ARHGAP42: variants seen among roughly 807,000 people sequenced by gnomAD.
ARHGAP42 encodes the protein rho GTPase-activating protein 42.
ARHGAP42 carries 63 observed loss-of-function variants against 125.0 expected under a neutral mutation model. The observed-to-expected ratio is 0.50, with a 90% CI of 0.41 to 0.62. The LOEUF (loss-of-function observed/expected upper bound fraction) is 0.62. Ranked by LOEUF, ARHGAP42 falls within the 20% of genes least tolerant of loss-of-function variation. The pLI is 0.00. For synonymous variants in ARHGAP42, 339 were observed against 351.0 expected, an observed-to-expected ratio of 0.97 and a Z score of 0.38; for missense variants, 766 against 1,024.2, an observed-to-expected ratio of 0.75 and a Z score of 3.44.
At chr11:100,977,076 T>C in intron 21 of ARHGAP42, 105 bp downstream of exon 21, 2 of 1,314,880 alleles carry the variant, frequency 1.5e-6, no homozygotes, top group Non-Finnish European at 2.1e-6. Flanking sequence ...ACATTGGGAA[T>C]ACTTTATCTG....
At chr11:100,690,932 A>T (rs541407699) in intron 1 of ARHGAP42, among the ~76,000 whole-genome samples, 1 of 152,250 alleles carries the variant, frequency 6.6e-6, no homozygotes, top group African/African-American at 2.4e-5. Flanking sequence ...ATTCATGTCC[A>T]CTTGGAGAAA....
intron 3 of ARHGAP42, among the ~76,000 whole-genome samples, chr11:100,822,582 G>A (rs542687394): frequency 6.6e-6 from 1 of 152,158 alleles, no homozygotes; most frequent in Non-Finnish European, 1.5e-5. Context: ...TGGTGGGGAT[G>A]ATTGAATTAT....
intron 3 of ARHGAP42, among the ~76,000 whole-genome samples, chr11:100,813,175 A>G (rs1864187463): frequency 6.6e-6 from 1 of 151,970 alleles, no homozygotes; most frequent in African/African-American, 2.4e-5. Context: ...GGATTTCTCC[A>G]CCTCAGCACT....
chr11:100,990,392 C>T lies in ARHGAP42; in HGVS notation c.*1591C>T, dbSNP rs1168346190. On this transcript the variant is annotated 3_prime_UTR_variant, in exon 24 of 24. Coordinates refer to ENST00000298815, the MANE Select transcript of ARHGAP42 (RefSeq NM_152432.4). ...AATAGGTTAAATACACATACACACA[C>T]ACAACTATGCCTCAGAAAAGTTAGG... 1 of 152,058 alleles carries T rather than the reference C, an allele frequency of 6.6e-6. No individual in the cohort carries two copies. Among genetic ancestry groups the T allele is most frequent in the Non-Finnish European group, 1.5e-5 (1 of 68,010 alleles). The allele number at this position is 152,058 out of a possible 1,614,324, so 9.4% of individuals were successfully genotyped here. A position where few individuals can be genotyped will look rare whatever the true frequency, so the allele number is the denominator to read the frequency against.
At chr11:100,691,359 A>G (rs886867815) in intron 1 of ARHGAP42, among the ~76,000 whole-genome samples, 7 of 152,184 alleles carry the variant, frequency 4.6e-5, no homozygotes, top group Non-Finnish European at 7.3e-5. Context: ...GATTTTTTAT[A>G]TAATTTGCCT....
intron 3 of ARHGAP42, among the ~76,000 whole-genome samples, chr11:100,810,995 AC>A (rs1308353940): frequency 1.3e-5 from 2 of 152,066 alleles, no homozygotes; most frequent in Non-Finnish European, 2.9e-5. Flanking sequence ...TCACTGTGTT[AC>A]CCCGGCTGGA....
At chr11:100,922,886 G>A (rs1429189618) in intron 6 of ARHGAP42, among the ~76,000 whole-genome samples, 1 of 152,182 alleles carries the variant, frequency 6.6e-6, no homozygotes, top group Admixed American at 6.5e-5. Flanking sequence ...CAGCTAGAAA[G>A]ATTAAGGAAC....
intron 4 of ARHGAP42, among the ~76,000 whole-genome samples, chr11:100,877,394 A>G (rs772833957): frequency 2.0e-5 from 3 of 152,206 alleles, no homozygotes; most frequent in Non-Finnish European, 2.9e-5. Flanking sequence ...TTATGTGGCC[A>G]TGTGTGCTTT....
intron 6 of ARHGAP42, among the ~76,000 whole-genome samples, chr11:100,924,322 G>T (rs1043073100): frequency 6.6e-6 from 1 of 151,998 alleles, no homozygotes; most frequent in Admixed American, 6.6e-5. Flanking sequence ...TCAATATCAA[G>T]ATCTTACTGC....
chr11:100,853,475 A>T (rs1182615081), intron 3 of ARHGAP42, among the ~76,000 whole-genome samples: 1 of 152,198 alleles, frequency 6.6e-6, no homozygotes, highest in Non-Finnish European at 1.5e-5. Flanking sequence ...ATAAAACAAA[A>T]GTAGTTTCAG....
At chr11:100,836,933 G>A (rs1051455824) in intron 3 of ARHGAP42, among the ~76,000 whole-genome samples, 1 of 151,484 alleles carries the variant, frequency 6.6e-6, no homozygotes, top group Non-Finnish European at 1.5e-5. Context: ...TAACTGACTA[G>A]TTCCAGCAAA....
chr11:100,899,946 A>G (rs993485849), intron 4 of ARHGAP42, among the ~76,000 whole-genome samples: 3 of 152,002 alleles, frequency 2.0e-5, no homozygotes, highest in African/African-American at 7.2e-5. Context: ...TGATCCTGTC[A>G]TTATGATGTT....
At chr11:100,816,561 T>G (rs1864272003) in intron 3 of ARHGAP42, among the ~76,000 whole-genome samples, 1 of 152,244 alleles carries the variant, frequency 6.6e-6, no homozygotes, top group South Asian at 2.1e-4. Context: ...CTGTGCATTT[T>G]AAGATGCTAA....
At chr11:100,840,410 CT>C (rs1281690339) in intron 3 of ARHGAP42, 1 of 152,132 alleles carries the variant, frequency 6.6e-6, no homozygotes, top group African/African-American at 2.4e-5. Context: ...AGATCTATCA[CT>C]TTTGAGTGTT....
intron 1 of ARHGAP42, among the ~76,000 whole-genome samples, chr11:100,751,256 T>TG (rs59806552): frequency 1 from 145,696 of 145,708 alleles, 72,842 homozygotes; most frequent in Middle Eastern, 1. Flanking sequence ...TGTATGTGTG[T>TG]TATATATATA....
intron 2 of ARHGAP42, among the ~76,000 whole-genome samples, 156 bp downstream of exon 2, chr11:100,770,594 T>C (rs1276982245): frequency 6.6e-6 from 1 of 152,214 alleles, no homozygotes; most frequent in Admixed American, 6.5e-5. Flanking sequence ...TTTTTCTTTT[T>C]GGAGACAGAG....
chr11:100,691,519 G>T (rs527476412), intron 1 of ARHGAP42, among the ~76,000 whole-genome samples: 2 of 151,986 alleles, frequency 1.3e-5, no homozygotes, highest in African/African-American at 4.8e-5. Flanking sequence ...TAAGCAAGGA[G>T]ATTTTTATTT....
intron 3 of ARHGAP42, among the ~76,000 whole-genome samples, chr11:100,822,759 G>A (rs932634423): frequency 2.6e-5 from 4 of 152,042 alleles, no homozygotes; most frequent in Non-Finnish European, 5.9e-5. Context: ...TTCCCACAGA[G>A]TGGAAAGTTT....
intron 4 of ARHGAP42, among the ~76,000 whole-genome samples, chr11:100,877,739 G>T (rs1865853693): frequency 1.3e-5 from 2 of 152,100 alleles, no homozygotes; most frequent in Admixed American, 1.3e-4. Context: ...GGGCGCGGTG[G>T]CTCACGCCTG....
Sources: allele counts gnomAD v4.1 joint callset (sites outside exome capture counted in the v4.1 genomes callset), GRCh38; gene constraint gnomAD v4.1.1; transcripts MANE v1.5; gene names NCBI Gene and HGNC (gene_info 2026-07-23, HGNC 2026-07-21).